SNX6: variants seen among roughly 807,000 people sequenced by gnomAD.
SNX6 encodes sorting nexin-6.
SNX6 carries 34 observed loss-of-function variants against 63.0 expected under a neutral mutation model. The ratio of observed to expected loss-of-function variants is 0.54; its 90% CI spans 0.41 to 0.72. SNX6 has a LOEUF of 0.72. SNX6 is among the 30% of genes least tolerant of loss of function. The pLI is 0.00. For missense variants in SNX6, 398 were observed against 471.4 expected, an observed-to-expected ratio of 0.84 and a Z score of 1.44; for synonymous variants, 170 against 164.2, an observed-to-expected ratio of 1.04 and a Z score of -0.27.
chr14:34,572,754 C>A (rs758289425), intron 11 of SNX6, among the ~76,000 whole-genome samples: 1 of 151,986 alleles, frequency 6.6e-6, no homozygotes, highest in East Asian at 1.9e-4. Flanking sequence ...GATCTCGGCT[C>A]ACTGCAAGCT....
chr14:34,618,369 G>GA (rs1345684945), intron 2 of SNX6, among the ~76,000 whole-genome samples: 1 of 151,826 alleles, frequency 6.6e-6, no homozygotes, highest in African/African-American at 2.4e-5. Context: ...TGGGGAGGGG[G>GA]GGATGGAGTC....
intron 6 of SNX6, among the ~76,000 whole-genome samples, chr14:34,600,934 C>A (rs1249496670): frequency 6.6e-6 from 1 of 151,662 alleles, no homozygotes; most frequent in Non-Finnish European, 1.5e-5. Context: ...AGAGGAGTCG[C>A]TTGAACCTGG....
In SNX6 at chr14:34,629,933, C is replaced by T; in HGVS notation, c.28G>A (p.Asp10Asn). The T allele has an allele frequency of 1.3e-6, 2 of 1,551,886 alleles. No individual in the cohort carries two copies. Among genetic ancestry groups the T allele is most frequent in the Non-Finnish European group, 1.7e-6 (2 of 1,150,124 alleles). Residue 10 changes from aspartate to asparagine, a missense_variant, in exon 2 of 14, where the codon GAC becomes AAC. Physicochemically the swap from Asp to Asn is conservative, Grantham distance 23. Coordinates refer to ENST00000362031, the MANE Select transcript of SNX6 (RefSeq NM_152233.4). MMEGLDDGP[D>N]FLSEEDRGLK... is the part of the protein sequence containing the mutation. ...CCGCGGTCCTCTTCTGAGAGGAAGT[C>T]CGGGCCGTCGTCCAGGCCTTCCTGT...
In SNX6 at chr14:34,562,997, G is replaced by T. The variant is rs1251418777; in HGVS notation, c.*125C>A. On this transcript the variant is annotated 3_prime_UTR_variant, in exon 14 of 14. Transcript: ENST00000362031. ...CTCCATGTTTCTCAGAAAAAGAGGA[G>T]TTGATGCACTTTTTCAGCTGCTTTT... is the stretch of plus-strand genomic sequence containing the variant. 4.3e-6 allele frequency: 4 copies of T among 920,738 alleles called. No individual in the cohort carries two copies. The highest frequency in any genetic ancestry group is 4.7e-5 in the Admixed American group (2 of 42,958). 57.0% of individuals were successfully genotyped at this position (920,738 alleles called of 1,614,324 possible). A position where few individuals can be genotyped will look rare whatever the true frequency, so the allele number is the denominator to read the frequency against.
At position 34,567,987 on chromosome 14, in the gene SNX6, T is replaced by C; in HGVS notation, c.948A>G (p.Ser316=). The C allele has an allele frequency of 7.4e-6, 12 of 1,611,980 alleles. No individual in the cohort carries two copies. The highest frequency in any genetic ancestry group is 1.0e-5 in the Non-Finnish European group (12 of 1,179,914). Residue 316 remains serine, a synonymous_variant, in exon 12 of 14, where the codon TCA becomes TCG. Coordinates refer to ENST00000362031, the MANE Select transcript of SNX6 (RefSeq NM_152233.4). ...TATTAGCATTTTCATAATCCACTAGTGACCTAGACCTTCGATACAGGAGAT... is the reference window on the plus strand; with the variant it reads ...TATTAGCATTTTCATAATCCACTAGCGACCTAGACCTTCGATACAGGAGAT... The part of the protein sequence containing the change: ...AKDLLYRRSR[S]LVDYENANKA...
At chr14:34,584,499 C>CA (rs1882069494) in intron 9 of SNX6, among the ~76,000 whole-genome samples, 1 of 151,740 alleles carries the variant, frequency 6.6e-6, no homozygotes, top group East Asian at 1.9e-4. Context: ...CACTGCACTC[C>CA]AGCCTGGGTG....
chr14:34,574,436 G>C (rs569927088), intron 11 of SNX6, among the ~76,000 whole-genome samples: 4 of 151,554 alleles, frequency 2.6e-5, no homozygotes, highest in Admixed American at 1.3e-4. Context: ...GATCACCTGA[G>C]GTCAGGAGTT....
intron 9 of SNX6, among the ~76,000 whole-genome samples, chr14:34,583,565 T>C (rs1882030666): frequency 6.6e-6 from 1 of 151,872 alleles, no homozygotes; most frequent in Non-Finnish European, 1.5e-5. Context: ...TGCAGTGCTC[T>C]ATGACTGCAC....
intron 2 of SNX6, among the ~76,000 whole-genome samples, chr14:34,617,816 G>T (rs1478821842): frequency 6.6e-6 from 1 of 151,536 alleles, no homozygotes; most frequent in Admixed American, 6.6e-5. Flanking sequence ...AGCTACTTGG[G>T]AGGCTGAGGC....
chr14:34,592,736 T>C (rs1882447559), intron 8 of SNX6, among the ~76,000 whole-genome samples: 1 of 152,238 alleles, frequency 6.6e-6, no homozygotes, highest in Non-Finnish European at 1.5e-5. Flanking sequence ...GCTAATTTTA[T>C]TTTTTATATC....
chr14:34,569,360 G>GCCC (rs1566463723), intron 11 of SNX6, among the ~76,000 whole-genome samples: 1 of 151,888 alleles, frequency 6.6e-6, no homozygotes, highest in Admixed American at 6.6e-5. Flanking sequence ...CCCCATGTGT[G>GCCC]CCCATATCCC....
intron 2 of SNX6, among the ~76,000 whole-genome samples, chr14:34,619,892 T>A (rs1173382642): frequency 6.6e-6 from 1 of 152,140 alleles, no homozygotes; most frequent in Non-Finnish European, 1.5e-5. Flanking sequence ...TTTATTTTTT[T>A]ATAGAGATGA....
intron 7 of SNX6, among the ~76,000 whole-genome samples, chr14:34,596,347 G>A (rs1210282589): frequency 6.6e-6 from 1 of 151,858 alleles, no homozygotes; most frequent in African/African-American, 2.4e-5. Flanking sequence ...CTGGCTGGGC[G>A]CAGTGGTTCA....
At chr14:34,580,268 G>A (rs948839320) in intron 10 of SNX6, among the ~76,000 whole-genome samples, 7 of 152,064 alleles carry the variant, frequency 4.6e-5, no homozygotes, top group Admixed American at 3.9e-4. Flanking sequence ...AGGAGATGAG[G>A]AGGAGACAGG....
chr14:34,595,647 T>C (rs887794877), intron 7 of SNX6, among the ~76,000 whole-genome samples: 3 of 152,176 alleles, frequency 2.0e-5, no homozygotes, highest in Admixed American at 1.3e-4. Context: ...CAGCATCAAA[T>C]GGAAGTAAGC....
chr14:34,617,761 A>C (rs2138376433), intron 2 of SNX6, among the ~76,000 whole-genome samples: 1 of 152,210 alleles, frequency 6.6e-6, no homozygotes, highest in South Asian at 2.1e-4. Flanking sequence ...CTCTACTAAA[A>C]ATACAAAAAA....
intron 9 of SNX6, among the ~76,000 whole-genome samples, chr14:34,582,906 G>A (rs1304972267): frequency 1.3e-5 from 2 of 151,298 alleles, no homozygotes; most frequent in Non-Finnish European, 2.9e-5. Flanking sequence ...TTGAGGCCAG[G>A]AGTTTGAGAC....
intron 11 of SNX6, among the ~76,000 whole-genome samples, chr14:34,571,181 C>A (rs1406118392): frequency 6.6e-6 from 1 of 151,820 alleles, no homozygotes; most frequent in African/African-American, 2.4e-5. Context: ...CGTCTGTAAT[C>A]CCAGCACTTT....
chr14:34,578,226 T>A (rs1172150408), intron 10 of SNX6, among the ~76,000 whole-genome samples: 2 of 151,598 alleles, frequency 1.3e-5, no homozygotes, highest in African/African-American at 4.8e-5. Flanking sequence ...CAAACAAAAA[T>A]ACAAAAGGGA....
Sources: gnomAD v4.1 joint callset for allele counts (sites outside exome capture counted in the v4.1 genomes callset) on GRCh38, gnomAD v4.1.1 for gene constraint, MANE v1.5 for transcripts, NCBI Gene and HGNC (gene_info 2026-07-23, HGNC 2026-07-21) for gene names.